Variants in REDIC1 observed in about 807,000 individuals in gnomAD.
REDIC1 encodes the protein HEI10 Interacting Protein 1.
At chr12:39,732,623 A>G in the REDIC1 span, among the ~76,000 whole-genome samples, 1 of 152,240 alleles carries the variant, frequency 6.6e-6, no homozygotes, top group South Asian at 2.1e-4. Flanking sequence ...TATATAAGAA[A>G]GGCAAGACAA....
chr12:39,745,000 C>A, the REDIC1 span, among the ~76,000 whole-genome samples: 2 of 152,106 alleles, frequency 1.3e-5, no homozygotes, highest in Admixed American at 6.5e-5. Context: ...TTAGCATATA[C>A]CATGCTAACA....
the REDIC1 span, chr12:39,908,002 G>A: frequency 6.6e-6 from 1 of 151,562 alleles, no homozygotes; most frequent in African/African-American, 2.4e-5. Flanking sequence ...ACTTCTCAGG[G>A]ATGCAAAATT....
the REDIC1 span, among the ~76,000 whole-genome samples, chr12:39,815,111 G>A: frequency 6.6e-6 from 1 of 151,888 alleles, no homozygotes; most frequent in Non-Finnish European, 1.5e-5. Context: ...GCCATCTTCT[G>A]GTCAGTTACT....
At chr12:39,727,405 G>A in the REDIC1 span, among the ~76,000 whole-genome samples, 449 of 152,182 alleles carry the variant, frequency 3.0e-3, 1 homozygote, top group African/African-American at 0.01. Context: ...TATTCAATAG[G>A]GAGTCCTTTC....
chr12:39,754,729 C>A, the REDIC1 span, among the ~76,000 whole-genome samples: 1 of 152,072 alleles, frequency 6.6e-6, no homozygotes, highest in African/African-American at 2.4e-5. Flanking sequence ...TGGTTCATGT[C>A]AACATCTGGT....
At chr12:39,762,125 T>TAGTA in the REDIC1 span, among the ~76,000 whole-genome samples, 2 of 152,150 alleles carry the variant, frequency 1.3e-5, no homozygotes, top group South Asian at 2.1e-4. Flanking sequence ...AACTGCCTAC[T>TAGTA]CAGTGTGGGT....
the REDIC1 span, among the ~76,000 whole-genome samples, chr12:39,712,559 GTATA>G: frequency 7.4e-6 from 1 of 135,174 alleles, no homozygotes; most frequent in African/African-American, 2.8e-5. Flanking sequence ...CGACATATGT[GTATA>G]TACGTATATA....
the REDIC1 span, among the ~76,000 whole-genome samples, chr12:39,902,058 T>C: frequency 6.6e-6 from 1 of 151,870 alleles, no homozygotes. Context: ...TGGATGAAAT[T>C]GGAAACCATC....
chr12:39,826,569 T>C, the REDIC1 span, among the ~76,000 whole-genome samples: 1 of 151,282 alleles, frequency 6.6e-6, no homozygotes, highest in Non-Finnish European at 1.5e-5. Flanking sequence ...ATTTAACAAA[T>C]TGAAAAACTA....
the REDIC1 span, among the ~76,000 whole-genome samples, chr12:39,743,339 A>G: frequency 6.6e-6 from 1 of 152,156 alleles, no homozygotes; most frequent in Admixed American, 6.5e-5. Context: ...TAAAAGACTG[A>G]AACCTAATTA....
chr12:39,865,943 G>C, the REDIC1 span, among the ~76,000 whole-genome samples: 1 of 152,050 alleles, frequency 6.6e-6, no homozygotes, highest in African/African-American at 2.4e-5. Context: ...TTATTATCTG[G>C]GTGACAAAAT....
At chr12:39,683,031 A>C in the REDIC1 span, 1 of 1,613,432 alleles carries the variant, frequency 6.2e-7, no homozygotes, top group Non-Finnish European at 8.5e-7. Flanking sequence ...GTTATCCAGA[A>C]AAATGTCAGC....
chr12:39,732,779 T>G, the REDIC1 span, among the ~76,000 whole-genome samples: 4 of 152,342 alleles, frequency 2.6e-5, no homozygotes, highest in South Asian at 8.3e-4. Flanking sequence ...TTATCCTTAT[T>G]GAAACTCAAA....
At chr12:39,703,430 A>C in the REDIC1 span, among the ~76,000 whole-genome samples, 1 of 150,146 alleles carries the variant, frequency 6.7e-6, no homozygotes, top group Admixed American at 6.7e-5. Flanking sequence ...CAAGGAAATA[A>C]AAGAGGATAC....
chr12:39,872,191 G>A, the REDIC1 span, among the ~76,000 whole-genome samples: 39 of 152,288 alleles, frequency 2.6e-4, no homozygotes, highest in African/African-American at 8.7e-4. Context: ...ACCTGAGCAA[G>A]TAGATAAGGT....
At chr12:39,679,312 C>T in the REDIC1 span, among the ~76,000 whole-genome samples, 4 of 152,146 alleles carry the variant, frequency 2.6e-5, no homozygotes, top group Non-Finnish European at 5.9e-5. Context: ...AGTAAAGTTT[C>T]AGGGTACAAA....
At chr12:39,853,616 T>C in the REDIC1 span, among the ~76,000 whole-genome samples, 2 of 151,830 alleles carry the variant, frequency 1.3e-5, no homozygotes, top group Admixed American at 6.6e-5. Context: ...TCTTTTTTTT[T>C]TTGTTAAGTA....
chr12:39,843,533 T>C, the REDIC1 span, among the ~76,000 whole-genome samples: 3 of 152,080 alleles, frequency 2.0e-5, no homozygotes, highest in African/African-American at 7.2e-5. Flanking sequence ...CATTTCAAGG[T>C]AGATAGAGAA....
At chr12:39,674,423 A>G in the REDIC1 span, among the ~76,000 whole-genome samples, 2 of 152,230 alleles carry the variant, frequency 1.3e-5, no homozygotes, top group Admixed American at 6.5e-5. Context: ...CCACTTGGAC[A>G]GAACAGCAGG....
Sources: gnomAD v4.1 joint callset for allele counts (sites outside exome capture counted in the v4.1 genomes callset) on GRCh38, gnomAD v4.1.1 for gene constraint, MANE v1.5 for transcripts, NCBI Gene and HGNC (gene_info 2026-07-23, HGNC 2026-07-21) for gene names.